The following CDH20 variants were observed in gnomAD, a reference collection of about 807,000 sequenced individuals.
The protein encoded by CDH20 is cadherin-20.
A neutral mutation model predicts 74.2 loss-of-function variants in CDH20; 29 were observed. That is an observed-to-expected ratio of 0.39 (90% CI 0.29 to 0.53). The LOEUF (loss-of-function observed/expected upper bound fraction) is 0.53, where lower values mean the gene tolerates loss of function less well. CDH20 is among the 20% of genes least tolerant of loss of function. The pLI is 0.69. For synonymous variants in CDH20, 469 were observed against 405.4 expected (o/e 1.16, Z -1.88); for missense variants, 988 against 1,048.3 (o/e 0.94, Z 0.79).
At chr18:61,525,538 C>T (rs1363434309) in intron 6 of CDH20, among the ~76,000 whole-genome samples, 1 of 151,994 alleles carries the variant, frequency 6.6e-6, no homozygotes, top group African/African-American at 2.4e-5. Context: ...TTATGAAAAC[C>T]TTGCCTTTTC....
Position 61,490,477 on chromosome 18 carries a change from A to AT in CDH20, c.-70dup, listed in dbSNP as rs564783201. 1,041 of 1,461,426 alleles carry AT rather than the reference A, an allele frequency of 7.1e-4. 6 individuals are homozygous for AT. In the East Asian group the frequency reaches 0.014, roughly 19 times the overall value. 90.5% of individuals were successfully genotyped at this position (1,461,426 alleles called of 1,614,324 possible). On this transcript the variant is annotated 5_prime_UTR_variant, in exon 2 of 12. Coordinates refer to ENST00000262717, the MANE Select transcript of CDH20 (RefSeq NM_031891.4). ...ATAAGTGTCCAATCAAAAACTGTGTATTTTTTTAAATTTGGAAAATACTCA... is the reference window on the plus strand; with the variant it reads ...ATAAGTGTCCAATCAAAAACTGTGTATTTTTTTTAAATTTGGAAAATACTCA...
At chr18:61,444,721 A>C (rs1161799662) in intron 1 of CDH20, among the ~76,000 whole-genome samples, 1 of 152,200 alleles carries the variant, frequency 6.6e-6, no homozygotes, top group East Asian at 1.9e-4. Context: ...CTGTTGAATG[A>C]GGCAGAGCTT....
intron 1 of CDH20, among the ~76,000 whole-genome samples, chr18:61,442,152 CCAGCCTGGG>C (rs1463921857): frequency 6.6e-6 from 1 of 152,028 alleles, no homozygotes; most frequent in African/African-American, 2.4e-5. Context: ...GAATTCGAGA[CCAGCCTGGG>C]CAACATGGCA....
intron 2 of CDH20, among the ~76,000 whole-genome samples, chr18:61,491,620 T>C (rs1048025689): frequency 6.6e-6 from 1 of 152,204 alleles, no homozygotes; most frequent in African/African-American, 2.4e-5. Flanking sequence ...CTCGGCTTCC[T>C]CAAATTCGAA....
chr18:61,347,181 G>A (rs1910139362), intron 1 of CDH20, among the ~76,000 whole-genome samples: 1 of 146,614 alleles, frequency 6.8e-6, no homozygotes, highest in African/African-American at 2.5e-5. Flanking sequence ...AGGCTCAGTG[G>A]TTCATGCCTG....
chr18:61,446,226 A>G (rs1049202417), intron 1 of CDH20, among the ~76,000 whole-genome samples: 26 of 152,210 alleles, frequency 1.7e-4, no homozygotes, highest in Admixed American at 1.6e-3. Context: ...GTAAAACTAC[A>G]TACACACAGT....
intron 1 of CDH20, among the ~76,000 whole-genome samples, chr18:61,428,342 G>A (rs1046294795): frequency 7.2e-5 from 11 of 152,066 alleles, no homozygotes; most frequent in African/African-American, 1.7e-4. Context: ...AAGTGTAGGC[G>A]GCCCCAGATG....
chr18:61,547,287 C>A (rs1913283065), intron 10 of CDH20, among the ~76,000 whole-genome samples: 1 of 152,038 alleles, frequency 6.6e-6, no homozygotes, highest in African/African-American at 2.4e-5. Context: ...ATGATCAGAC[C>A]ACTGTACTCC....
chr18:61,381,792 T>G (rs561757821), intron 1 of CDH20, among the ~76,000 whole-genome samples: 1 of 152,310 alleles, frequency 6.6e-6, no homozygotes, highest in South Asian at 2.1e-4. Context: ...ATGTCTGAGA[T>G]TTCTTCTTGA....
chr18:61,444,794 T>A (rs1389505065), intron 1 of CDH20, among the ~76,000 whole-genome samples: 2 of 152,226 alleles, frequency 1.3e-5, no homozygotes, highest in Non-Finnish European at 2.9e-5. Flanking sequence ...CATATTACTT[T>A]CCTGCCAGTC....
intron 6 of CDH20, among the ~76,000 whole-genome samples, chr18:61,509,470 G>A (rs1599135318): frequency 6.6e-6 from 1 of 152,310 alleles, no homozygotes; most frequent in East Asian, 1.9e-4. Flanking sequence ...TTTGAGGTGG[G>A]ACCATGCCTG....
chr18:61,550,366 G>A (rs979645044), intron 11 of CDH20, 137 bp downstream of exon 11: 2 of 1,077,768 alleles, frequency 1.9e-6, no homozygotes, highest in Admixed American at 2.5e-5. Context: ...GAGTGAGGCT[G>A]CACAAAAAAC....
chr18:61,504,575 G>GT (rs1441308512), intron 5 of CDH20, among the ~76,000 whole-genome samples: 1 of 152,108 alleles, frequency 6.6e-6, no homozygotes, highest in African/African-American at 2.4e-5. Context: ...AGCTATGAAC[G>GT]TGGAACAGAG....
chr18:61,393,562 G>A (rs1332283627), intron 1 of CDH20, among the ~76,000 whole-genome samples: 1 of 152,182 alleles, frequency 6.6e-6, no homozygotes, highest in African/African-American at 2.4e-5. Flanking sequence ...AACTTACAGT[G>A]TATTTTGGCA....
chr18:61,472,064 T>C (rs1910200470), intron 1 of CDH20, among the ~76,000 whole-genome samples: 1 of 152,132 alleles, frequency 6.6e-6, no homozygotes, highest in Non-Finnish European at 1.5e-5. Context: ...TTTGATTCCG[T>C]TAAGAAATCC....
chr18:61,368,716 TA>T (rs1910937701), intron 1 of CDH20, among the ~76,000 whole-genome samples: 1 of 151,910 alleles, frequency 6.6e-6, no homozygotes, highest in South Asian at 2.1e-4. Flanking sequence ...GTACACTATT[TA>T]ATAAAAAATC....
At chr18:61,457,532 T>C (rs1909614879) in intron 1 of CDH20, among the ~76,000 whole-genome samples, 2 of 152,158 alleles carry the variant, frequency 1.3e-5, no homozygotes. Flanking sequence ...TGACTACTTC[T>C]TCCTAGCTGG....
intron 1 of CDH20, among the ~76,000 whole-genome samples, chr18:61,380,308 G>A (rs76230515): frequency 0.019 from 2,845 of 152,262 alleles, 165 homozygotes; most frequent in East Asian, 0.11. Flanking sequence ...TCATGAGACC[G>A]TGGAAAGAAA....
At chr18:61,462,725 G>GT (rs1026230069) in intron 1 of CDH20, among the ~76,000 whole-genome samples, 1 of 59,408 alleles carries the variant, frequency 1.7e-5, no homozygotes, top group Non-Finnish European at 3.4e-5. Context: ...AAAAAAAAAA[G>GT]GGGGGGGGGG....
Sources: allele counts gnomAD v4.1 joint callset (sites outside exome capture counted in the v4.1 genomes callset), GRCh38; gene constraint gnomAD v4.1.1; transcripts MANE v1.5; gene names NCBI Gene and HGNC (gene_info 2026-07-23, HGNC 2026-07-21).